Variants in NOTCH3 observed in about 807,000 individuals in gnomAD.
The protein encoded by NOTCH3 is neurogenic locus notch homolog protein 3.
In NOTCH3, 86 loss-of-function variants were observed where a neutral mutation model predicts 213.3. The ratio of observed to expected loss-of-function variants is 0.40; its 90% CI spans 0.34 to 0.48. The LOEUF is 0.48. Among genes scored for constraint, NOTCH3 ranks in the 20% least tolerant of loss-of-function variants. NOTCH3 has a pLI of 0.57. For synonymous variants in NOTCH3, 1,354 were observed against 1,355.9 expected (o/e 1.00, Z 0.03); for missense variants, 2,783 against 3,272.6 (o/e 0.85, Z 3.65).
At position 15,177,887 on chromosome 19, in the gene NOTCH3, C is replaced by T; in HGVS notation, c.4041G>A (p.Gly1347=). ...CGAGCGGCGCGGGGCGGCAGGAGCC[C>T]CCGTGGAGACAGGGGGCGGCCGCGC... ...ASCAAAPCLH[G]GSCRPAPLAP... is the part of the protein sequence containing the mutation. The change falls in exon 24 of 33, where the codon GGG becomes GGA. Residue 1347 remains glycine (G), a synonymous_variant. Coordinates refer to ENST00000263388, the MANE Select transcript of NOTCH3 (RefSeq NM_000435.3). The T allele has an allele frequency of 1.6e-6, 2 of 1,253,374 alleles. No homozygotes were observed. The highest frequency in any genetic ancestry group is 2.0e-6 in the Non-Finnish European group (2 of 1,001,848). The allele number at this position is 1,253,374 out of a possible 1,614,324, so 77.6% of individuals were successfully genotyped here.
chr19:15,198,308 G>A (rs752151645), intron 1 of NOTCH3, among the ~76,000 whole-genome samples: 2 of 152,208 alleles, frequency 1.3e-5, no homozygotes, highest in South Asian at 2.1e-4. Context: ...GTGTGCATGC[G>A]ATCAGGTGTG....
intron 28 of NOTCH3, among the ~76,000 whole-genome samples, chr19:15,169,142 A>G (rs1378111223): frequency 6.6e-6 from 1 of 151,838 alleles, no homozygotes; most frequent in Non-Finnish European, 1.5e-5. Flanking sequence ...CCCTAATCCA[A>G]TAGGATTGGT....
chr19:15,183,852 A>G (rs549022267), intron 16 of NOTCH3, among the ~76,000 whole-genome samples: 1 of 151,858 alleles, frequency 6.6e-6, no homozygotes, highest in African/African-American at 2.4e-5. Flanking sequence ...GGAATTGGAG[A>G]CCACCGTGGG....
rs778939646 is a variant in NOTCH3 at position 15,165,407 on chromosome 19, T to C, written c.5776A>G (p.Ile1926Val). ...LAVEGMVEEL[I>V]ASHADVNAVD... ...GCATTGACATCAGCATGGCTGGCGA[T>C]GAGCTCTTCCACCATGCCCTCTACT... The change falls in exon 31 of 33, where the codon ATC becomes GTC. Residue 1926 changes from isoleucine (I) to valine (V), a missense_variant. Physicochemically the swap from Ile to Val is conservative, Grantham distance 29. Coordinates refer to ENST00000263388, the MANE Select transcript of NOTCH3 (RefSeq NM_000435.3). The surrounding 1 kb of genome is among the most constrained non-coding windows in gnomAD (Gnocchi z 4.7). 2 of 1,610,616 alleles carry C rather than the reference T, an allele frequency of 1.2e-6. No individual in the cohort carries two copies. Among genetic ancestry groups the C allele is most frequent in the South Asian group, 2.2e-5 (2 of 91,088 alleles).
Position 15,160,471 on chromosome 19 carries a change from A to G in NOTCH3, c.*191T>C. The G allele has an allele frequency of 1.6e-6, 1 of 629,228 alleles. No homozygotes were observed. Among genetic ancestry groups the G allele is most frequent in the Admixed American group, 2.5e-5 (1 of 39,674 alleles). 39.0% of individuals were successfully genotyped at this position (629,228 alleles called of 1,614,324 possible). ...AGAGGGTGGGTGGTAGCCCCCACCC[A>G]TTATAAATAAAGGAAGACTGAAGCC... On this transcript the variant is annotated 3_prime_UTR_variant, in exon 33 of 33. Coordinates refer to ENST00000263388, the MANE Select transcript of NOTCH3 (RefSeq NM_000435.3).
chr19:15,184,248 G>A (rs2046863158), intron 16 of NOTCH3, 47 bp downstream of exon 16: 13 of 1,567,354 alleles, frequency 8.3e-6, no homozygotes, highest in Non-Finnish European at 1.1e-5. Flanking sequence ...CAAGCTTAAT[G>A]ACTGTGTTCC....
At chr19:15,166,183 C>T in intron 29 of NOTCH3, 92 bp from the exon 30 acceptor site, 1 of 1,124,964 alleles carries the variant, frequency 8.9e-7, no homozygotes, top group Non-Finnish European at 1.3e-6. Context: ...GCTAATGGGA[C>T]ACATGGAAAA....
chr19:15,181,203 C>T, intron 17 of NOTCH3, 41 bp from the exon 18 acceptor site: 2 of 1,541,616 alleles, frequency 1.3e-6, no homozygotes, highest in East Asian at 2.3e-5. Context: ...GGCTCCGCCC[C>T]CTCACAGGCC....
At chr19:15,198,022 T>C (rs1158032337) in intron 1 of NOTCH3, among the ~76,000 whole-genome samples, 1 of 152,098 alleles carries the variant, frequency 6.6e-6, no homozygotes, top group Non-Finnish European at 1.5e-5. Context: ...CTTTCCCTGA[T>C]GGGCATCTAC....
intron 28 of NOTCH3, among the ~76,000 whole-genome samples, chr19:15,169,098 GT>G (rs1468158501): frequency 6.6e-6 from 1 of 151,472 alleles, no homozygotes; most frequent in Non-Finnish European, 1.5e-5. Flanking sequence ...CTTTAAGGAG[GT>G]AATTAAGGTT....
chr19:15,197,441 G>GCGCCCCCCCCCC, intron 2 of NOTCH3, 59 bp downstream of exon 2: 7 of 768,360 alleles, frequency 9.1e-6, no homozygotes, highest in Admixed American at 2.0e-5. Context: ...AAGACAAATC[G>GCGCCCCCCCCCC]CCCCTCCCCC....
chr19:15,188,226 G>A lies in NOTCH3; in HGVS notation c.1492+9C>T, dbSNP rs1414362461. The A allele has an allele frequency of 6.3e-7, 1 of 1,579,380 alleles. No homozygotes were observed. The stretch of plus-strand genomic sequence containing the variant: ...TGTCTTTTCGGGCTCCCTCTCCTGA[G>A]GTCCTCACCCGAGGGGCAGGTGCAG... On this transcript the variant is annotated intron_variant, in intron 9 of 32. Transcript: ENST00000263388.
rs753654158 is a variant in NOTCH3, at chr19:15,160,704, C to A, written c.6924G>T (p.Gly2308=). The change falls in exon 33 of 33, where the codon GGG becomes GGT. Residue 2308 remains glycine, a synonymous_variant. Coordinates refer to ENST00000263388, the MANE Select transcript of NOTCH3 (RefSeq NM_000435.3). ...TCTTGGGGGTAACTTCCGGCTGGGG[C>A]CCCAGCTGGGTCTGGGCCTGAGCAA... ...SSLAQAQTQL[G]PQPEVTPKRQ... 4 of 1,614,040 alleles carry A rather than the reference C, an allele frequency of 2.5e-6. No individual in the cohort carries two copies. The African/African-American group carries it at 5.3e-5, about 22-fold the overall frequency.
In NOTCH3 at chr19:15,174,108, C is replaced by T. The variant is rs2145408499; in HGVS notation, c.4696G>A (p.Glu1566Lys). 1 of 1,594,698 alleles carries T rather than the reference C, an allele frequency of 6.3e-7. No homozygotes were observed. Among genetic ancestry groups the T allele is most frequent in the Non-Finnish European group, 8.6e-7 (1 of 1,166,800 alleles). ...FPYHRPSPGS[E>K]PRARRELAPE... ...GCCAGCTCCCGACGGGCCCGGGGTT[C>T]GGAGCCAGGACTAGGCCGGTGGTAA... Residue 1566 changes from glutamate to lysine, a missense_variant, in exon 25 of 33, where the codon GAA (glutamate) becomes AAA (lysine). Transcript: ENST00000263388.
intron 28 of NOTCH3, 29 bp from the exon 29 acceptor site, chr19:15,167,440 A>T: frequency 6.3e-7 from 1 of 1,599,008 alleles, no homozygotes; most frequent in Non-Finnish European, 8.5e-7. Flanking sequence ...TGGATCTCAG[A>T]TCTCACCCTT....
Position 15,161,093 on chromosome 19 carries a change from C to A in NOTCH3, c.6535G>T (p.Ala2179Ser), listed in dbSNP as rs764721820. Residue 2179 changes from alanine to serine, a missense_variant, in exon 33 of 33, where the codon GCC becomes TCC. Physicochemically the swap from Ala to Ser is moderately conservative, Grantham distance 99. This residue lies in a region of NOTCH3 where 441 missense variants were observed against 432.1 expected (regional missense o/e 1.02). Coordinates refer to ENST00000263388, the MANE Select transcript of NOTCH3 (RefSeq NM_000435.3). ...PLDWARLPPP[A>S]PPGPSFLLPL... ...AGCAGGAACGAGGGGCCTGGAGGGG[C>A]AGGTGGGGGCAGCCGGGCCCAATCG... 71 of 1,539,478 alleles carry A rather than the reference C, an allele frequency of 4.6e-5. No homozygotes were observed. Among genetic ancestry groups the A allele is most frequent in the Non-Finnish European group, 5.9e-5 (68 of 1,148,634 alleles).
chr19:15,180,392 A>G, intron 19 of NOTCH3, 136 bp from the exon 20 acceptor site: 1 of 1,017,092 alleles, frequency 9.8e-7, no homozygotes, highest in Admixed American at 2.0e-5. Context: ...GTTGTCACAC[A>G]TCCCCCCAGC....
chr19:15,161,668 G>A lies in NOTCH3; in HGVS notation c.5960C>T (p.Ala1987Val), dbSNP rs746192089. Residue 1987 changes from alanine to valine, a missense_variant, in exon 33 of 33, where the codon GCT (alanine) becomes GTT (valine). By Grantham distance (64) the Ala-to-Val change is moderately conservative (BLOSUM62 0). Coordinates refer to ENST00000263388, the MANE Select transcript of NOTCH3 (RefSeq NM_000435.3). ...AAAGTGGTCCAACAGCAGCTTGGCA[G>A]CCTCATAGCTGCCCTCGCGGGCGGC... ...FLAAREGSYE[A>V]AKLLLDHFAN... 7 of 1,613,850 alleles carry A rather than the reference G, an allele frequency of 4.3e-6. No homozygotes were observed. The highest frequency in any genetic ancestry group is 1.3e-5 in the African/African-American group (1 of 74,954).
intron 17 of NOTCH3, 68 bp downstream of exon 17, chr19:15,181,508 C>A (rs2046841142): frequency 1.5e-6 from 2 of 1,365,226 alleles, no homozygotes; most frequent in African/African-American, 1.4e-5. Context: ...GCTGTCCCCA[C>A]TTCGTCCCAG....
Sources: allele counts gnomAD v4.1 joint callset (sites outside exome capture counted in the v4.1 genomes callset), GRCh38; gene constraint gnomAD v4.1.1; regional missense constraint gnomAD v4.1.1; non-coding constraint Gnocchi (gnomAD v3.1); transcripts MANE v1.5; gene names NCBI Gene and HGNC (gene_info 2026-07-23, HGNC 2026-07-21).